The following TIMM17A variants were observed in gnomAD, a reference collection of about 807,000 sequenced individuals.
TIMM17A encodes the protein mitochondrial import inner membrane translocase subunit Tim17-A.
In TIMM17A, 15 loss-of-function variants were observed where a neutral mutation model predicts 26.5. That is an observed-to-expected ratio of 0.57 (90% CI 0.38 to 0.87). The LOEUF (loss-of-function observed/expected upper bound fraction) is 0.87. Ranked by LOEUF, TIMM17A falls within the 40% of genes least tolerant of loss-of-function variation. The pLI, the probability that TIMM17A is intolerant of heterozygous loss-of-function variation, is 0.00. For missense variants in TIMM17A, 201 were observed against 210.0 expected (o/e 0.96, Z 0.27); for synonymous variants, 80 against 70.8 (o/e 1.13, Z -0.66).
chr1:201,955,976 T>A (rs1682402411), intron 1 of TIMM17A, among the ~76,000 whole-genome samples: 1 of 152,038 alleles, frequency 6.6e-6, no homozygotes, highest in South Asian at 2.1e-4. Flanking sequence ...TTTGAGGGAG[T>A]GTCATTCTTG....
At chr1:201,968,807 C>A (rs1053411871) in intron 5 of TIMM17A, among the ~76,000 whole-genome samples, 3 of 152,014 alleles carry the variant, frequency 2.0e-5, no homozygotes, top group African/African-American at 7.2e-5. Context: ...CCCTCTTTCT[C>A]TCTTCCTTCC....
chr1:201,956,646 T>C (rs1682416152), intron 1 of TIMM17A, among the ~76,000 whole-genome samples: 2 of 152,228 alleles, frequency 1.3e-5, no homozygotes. Flanking sequence ...TTAAAATATT[T>C]AACTATGTTG....
Position 201,963,671 on chromosome 1 carries a change from A to C in TIMM17A, c.246A>C (p.Gln82His), listed in dbSNP as rs1682574221. ...LFSMIDCSMVQVRGKEDPWNS... is the reference protein window; with the variant it reads ...LFSMIDCSMVHVRGKEDPWNS... ...CCATGATTGACTGTAGTATGGTTCAAGTCAGAGGAAAGGAAGATCCCTGGA... is the reference window on the plus strand; with the variant it reads ...CCATGATTGACTGTAGTATGGTTCACGTCAGAGGAAAGGAAGATCCCTGGA... The change falls in exon 4 of 6, where the codon CAA (glutamine) becomes CAC (histidine). Residue 82 changes from glutamine to histidine, a missense_variant. Transcript: ENST00000367287. 6.2e-7 allele frequency: 1 copy of C among 1,611,406 alleles called. No homozygotes were observed. The highest frequency in any genetic ancestry group is 1.7e-5 in the Admixed American group (1 of 59,138).
Position 201,965,541 on chromosome 1 carries a change from A to G in TIMM17A, c.428A>G (p.Asn143Ser), listed in dbSNP as rs753896296. ...AGATTTGCCTCTGCACAGTTTCCCA[A>G]TGGTGAGTCTTTTTGCTTAAAACTA... ...LTRFASAQFPNGPQFAEDPSQ... is the reference protein window; with the variant it reads ...LTRFASAQFPSGPQFAEDPSQ... The change falls in exon 5 of 6, where the codon AAT becomes AGT. Residue 143 changes from asparagine to serine, a missense_variant and splice_region_variant. Asn to Ser is a conservative substitution (Grantham distance 46, BLOSUM62 1). Transcript: ENST00000367287. 26 of 1,593,566 alleles carry G rather than the reference A, an allele frequency of 1.6e-5. No homozygotes were observed. The highest frequency in any genetic ancestry group is 1.1e-4 in the African/African-American group (8 of 74,534).
At position 201,963,771 on chromosome 1, in the gene TIMM17A, T is replaced by C. The variant is rs771446968; in HGVS notation, c.319+27T>C. ...TAAGTAGTCATTACAGACATACTAG[T>C]AGAAGCCACACTTTTAGGAAAACCT... On this transcript the variant is annotated intron_variant, in intron 4 of 5. Transcript: ENST00000367287. The C allele has an allele frequency of 2.6e-6, 4 of 1,567,386 alleles. No homozygotes were observed. The African/African-American group carries it at 5.5e-5, about 22-fold the overall frequency.
intron 1 of TIMM17A, among the ~76,000 whole-genome samples, chr1:201,956,133 G>T (rs966882654): frequency 6.6e-6 from 1 of 152,052 alleles, no homozygotes; most frequent in African/African-American, 2.4e-5. Context: ...AGGGTAGAGG[G>T]GGACAAAAAT....
intron 5 of TIMM17A, among the ~76,000 whole-genome samples, 159 bp downstream of exon 5, chr1:201,965,702 A>C (rs1187279980): frequency 2.0e-5 from 3 of 152,384 alleles, no homozygotes; most frequent in South Asian, 2.1e-4. Context: ...TGTTATATTT[A>C]GCCACAAAAA....
Position 201,961,342 on chromosome 1 carries a change from C to T in TIMM17A, c.191-2274C>T, listed in dbSNP as rs185094653. 4.3e-4 allele frequency among the ~76,000 whole-genome samples: 65 copies of T among 152,120 alleles called. No homozygotes were observed. In the East Asian group the frequency reaches 0.011, roughly 26 times the overall value. Reference sequence around the variant, plus strand: ...TTGGCCTCCCAAAGTGCTAGGATCACAGGCGTGAGCCATCCGGCCCAGCCC... The same window carrying T: ...TTGGCCTCCCAAAGTGCTAGGATCATAGGCGTGAGCCATCCGGCCCAGCCC... On this transcript the variant is annotated intron_variant, in intron 3 of 5. Transcript: ENST00000367287.
At chr1:201,965,787 A>C (rs1682614990) in intron 5 of TIMM17A, among the ~76,000 whole-genome samples, 1 of 152,230 alleles carries the variant, frequency 6.6e-6, no homozygotes, top group African/African-American at 2.4e-5. Flanking sequence ...CATGTCTTGC[A>C]AGAAATGTCT....
Position 201,957,217 on chromosome 1 carries a change from T to C in TIMM17A, c.27-64T>C, listed in dbSNP as rs958690621. The C allele has an allele frequency of 2.8e-6, 3 of 1,070,114 alleles. No individual in the cohort carries two copies. The African/African-American group carries it at 4.7e-5, about 17-fold the overall frequency. The allele number at this position is 1,070,114 out of a possible 1,614,324, so 66.3% of individuals were successfully genotyped here. A position where few individuals can be genotyped will look rare whatever the true frequency, so the allele number is the denominator to read the frequency against. On this transcript the variant is annotated intron_variant, in intron 1 of 5. Transcript: ENST00000367287. Reference sequence around the variant, plus strand: ...TGTTCCATTATAATCCTTACTGTATTGGCAAAGAAGATTTTATGGTTTGTG... The same window carrying C: ...TGTTCCATTATAATCCTTACTGTATCGGCAAAGAAGATTTTATGGTTTGTG...
intron 4 of TIMM17A, among the ~76,000 whole-genome samples, chr1:201,964,751 C>T (rs1162769570): frequency 1.4e-5 from 2 of 141,734 alleles, no homozygotes; most frequent in Admixed American, 1.5e-4. Flanking sequence ...CGGGTTCAAG[C>T]GATTCTCCTG....
chr1:201,962,380 T>A (rs897964583), intron 3 of TIMM17A: 2 of 152,420 alleles, frequency 1.3e-5, no homozygotes, highest in Admixed American at 6.5e-5. Context: ...GGAGTCTCGC[T>A]CTGTCGCCCA....
chr1:201,963,994 C>T (rs1406585734), intron 4 of TIMM17A, among the ~76,000 whole-genome samples: 1 of 151,976 alleles, frequency 6.6e-6, no homozygotes, highest in Admixed American at 6.6e-5. Flanking sequence ...TGGTGCATGC[C>T]TATAGTCCCA....
chr1:201,956,004 TGA>T (rs1417365304), intron 1 of TIMM17A, among the ~76,000 whole-genome samples: 1 of 152,186 alleles, frequency 6.6e-6, no homozygotes, highest in Non-Finnish European at 1.5e-5. Context: ...ACTTGTATCA[TGA>T]TATGTGTCCA....
chr1:201,967,393 C>T (rs890841895), intron 5 of TIMM17A, among the ~76,000 whole-genome samples: 7 of 152,080 alleles, frequency 4.6e-5, no homozygotes, highest in African/African-American at 1.7e-4. Flanking sequence ...CATAAAACAT[C>T]AAAACAGTTC....
At chr1:201,966,318 C>A (rs1016349639) in intron 5 of TIMM17A, among the ~76,000 whole-genome samples, 1 of 152,018 alleles carries the variant, frequency 6.6e-6, no homozygotes, top group Non-Finnish European at 1.5e-5. Context: ...GCCGAGATCA[C>A]ACCACTGCAC....
At chr1:201,968,382 G>A (rs557504223) in intron 5 of TIMM17A, among the ~76,000 whole-genome samples, 3 of 151,102 alleles carry the variant, frequency 2.0e-5, no homozygotes, top group African/African-American at 2.4e-5. Flanking sequence ...TTTTTTTGGG[G>A]TTTTTTTGTT....
At position 201,966,324 on chromosome 1, in the gene TIMM17A, T is replaced by A. The variant is rs539252091; in HGVS notation, c.430+781T>A. 6.6e-5 allele frequency among the ~76,000 whole-genome samples: 10 copies of A among 152,108 alleles called. 1 individual carries two copies. The South Asian group carries it at 2.1e-3, about 32-fold the overall frequency. On this transcript the variant is annotated intron_variant, in intron 5 of 5. Transcript: ENST00000367287. Reference sequence around the variant, plus strand: ...TTGCAGTGAGCCGAGATCACACCACTGCACTCTAGGCTGGTCGATGGAGCG... The same window carrying A: ...TTGCAGTGAGCCGAGATCACACCACAGCACTCTAGGCTGGTCGATGGAGCG...
rs761180081 is a variant in TIMM17A, at chr1:201,957,541, A to G, written c.157A>G (p.Thr53Ala). The change falls in exon 3 of 6, where the codon ACA (threonine) becomes GCA (alanine). Residue 53 changes from threonine to alanine, a missense_variant. Thr to Ala is a moderately conservative substitution (Grantham distance 58, BLOSUM62 0). Coordinates refer to ENST00000367287, the MANE Select transcript of TIMM17A (RefSeq NM_006335.3). ...AAACCACAGACTACGAGGGAGTTTGACAGCTATTAAAACCAGGGCTCCACA... is the reference window on the plus strand; with the variant it reads ...AAACCACAGACTACGAGGGAGTTTGGCAGCTATTAAAACCAGGGCTCCACA... ...GVNHRLRGSL[T>A]AIKTRAPQLG... 4 of 1,613,628 alleles carry G rather than the reference A, an allele frequency of 2.5e-6. No individual in the cohort carries two copies. The African/African-American group carries it at 5.3e-5, about 22-fold the overall frequency.
Sources: gnomAD v4.1 joint callset for allele counts (sites outside exome capture counted in the v4.1 genomes callset) on GRCh38, gnomAD v4.1.1 for gene constraint, MANE v1.5 for transcripts, NCBI Gene and HGNC (gene_info 2026-07-23, HGNC 2026-07-21) for gene names.